Variants in MAGI1 observed in about 807,000 individuals in gnomAD.
MAGI1 encodes membrane-associated guanylate kinase, WW and PDZ domain-containing protein 1.
In MAGI1, 58 loss-of-function variants were observed where a neutral mutation model predicts 139.9. That is an observed-to-expected ratio of 0.41 (90% CI 0.34 to 0.52). The LOEUF (loss-of-function observed/expected upper bound fraction) is 0.52. Among genes scored for constraint, MAGI1 ranks in the 20% least tolerant of loss-of-function variants. MAGI1 has a pLI of 0.12. For synonymous variants in MAGI1, 812 were observed against 737.9 expected (o/e 1.10, Z -1.63); for missense variants, 1,874 against 1,901.6 (o/e 0.99, Z 0.27).
chr3:65,373,485 G>A (rs1375047464), intron 18 of MAGI1, among the ~76,000 whole-genome samples: 3 of 152,102 alleles, frequency 2.0e-5, no homozygotes. Flanking sequence ...TGACACAAAG[G>A]CACAAAGTGA....
rs971895801 is a variant in MAGI1 at position 65,860,317 on chromosome 3, C to T, written c.313+177679G>A. 7.2e-5 allele frequency among the ~76,000 whole-genome samples: 11 copies of T among 152,126 alleles called. No homozygotes were observed. In the East Asian group the frequency reaches 9.6e-4, roughly 13 times the overall value. On this transcript the variant is annotated intron_variant, in intron 1 of 22. Coordinates refer to ENST00000402939, the MANE Select transcript of MAGI1 (RefSeq NM_001033057.2). The stretch of plus-strand genomic sequence containing the variant: ...AAGGAGGCTGCTCAGATTTATGAAT[C>T]GCAAATAAAAGCCAATTAGATCTAT...
At chr3:65,964,177 T>C (rs1359604033) in intron 1 of MAGI1, among the ~76,000 whole-genome samples, 1 of 152,188 alleles carries the variant, frequency 6.6e-6, no homozygotes, top group Non-Finnish European at 1.5e-5. Context: ...CCTGTCCCTG[T>C]CTCATTCACA....
intron 1 of MAGI1, among the ~76,000 whole-genome samples, chr3:65,797,076 G>A (rs1275283695): frequency 2.0e-5 from 3 of 151,986 alleles, no homozygotes; most frequent in African/African-American, 7.3e-5. Context: ...CATGAGTTCT[G>A]ATTATCTATT....
intron 1 of MAGI1, among the ~76,000 whole-genome samples, chr3:65,813,361 A>G (rs1371230912): frequency 2.0e-5 from 3 of 152,198 alleles, no homozygotes; most frequent in Non-Finnish European, 4.4e-5. Flanking sequence ...ATCCTTAAGC[A>G]AAAGCTAATG....
intron 1 of MAGI1, among the ~76,000 whole-genome samples, chr3:65,631,118 G>C (rs2084276745): frequency 1.3e-5 from 2 of 152,222 alleles, no homozygotes; most frequent in Admixed American, 6.5e-5. Context: ...AAGTAGCCTA[G>C]ACTAAGGGAG....
intron 1 of MAGI1, among the ~76,000 whole-genome samples, chr3:66,023,834 C>A (rs2068088520): frequency 6.6e-6 from 1 of 152,214 alleles, no homozygotes; most frequent in Non-Finnish European, 1.5e-5. Flanking sequence ...AACTCAAATT[C>A]ACGTGAACAT....
intron 1 of MAGI1, among the ~76,000 whole-genome samples, chr3:65,876,279 G>A (rs550553023): frequency 4.6e-5 from 7 of 152,030 alleles, no homozygotes; most frequent in South Asian, 2.1e-4. Flanking sequence ...CTACGATCAC[G>A]CCTGTGAACA....
At chr3:65,473,640 A>C (rs1294123825) in intron 4 of MAGI1, among the ~76,000 whole-genome samples, 1 of 24,818 alleles carries the variant, frequency 4.0e-5, no homozygotes, top group Non-Finnish European at 1.0e-4. Flanking sequence ...ACATGTTTAC[A>C]AAAAAAAAAA....
chr3:65,613,759 C>T (rs2083234283), intron 2 of MAGI1, among the ~76,000 whole-genome samples: 1 of 152,096 alleles, frequency 6.6e-6, no homozygotes, highest in South Asian at 2.1e-4. Flanking sequence ...TTAATCTTCA[C>T]TATATTCTTG....
chr3:65,858,303 G>A lies in MAGI1; in HGVS notation c.313+179693C>T, dbSNP rs77792930. On this transcript the variant is annotated intron_variant, in intron 1 of 22. Transcript: ENST00000402939. ...GACAAAGAACTCACTGCTCCATGTT[G>A]ACATAATACGAAGTGATGTTGTGAT... 2.1e-3 allele frequency among the ~76,000 whole-genome samples: 320 copies of A among 152,230 alleles called. 1 individual carries two copies. The highest frequency in any genetic ancestry group is 7.3e-3 in the African/African-American group (304 of 41,540).
chr3:65,375,628 A>C (rs992552992), intron 18 of MAGI1, 117 bp downstream of exon 18: 1 of 896,772 alleles, frequency 1.1e-6, no homozygotes, highest in Admixed American at 2.3e-5. Flanking sequence ...CTGCCACTAA[A>C]TTAATACTAT....
intron 10 of MAGI1, among the ~76,000 whole-genome samples, chr3:65,435,129 T>A (rs1365032817): frequency 6.6e-6 from 1 of 152,178 alleles, no homozygotes; most frequent in Non-Finnish European, 1.5e-5. Context: ...AACTGATAGA[T>A]AAATGTTTGG....
chr3:65,658,277 T>C (rs1425845843), intron 1 of MAGI1, among the ~76,000 whole-genome samples: 2 of 151,558 alleles, frequency 1.3e-5, no homozygotes, highest in Admixed American at 6.6e-5. Flanking sequence ...AATATCACTG[T>C]TGACTTTTAA....
intron 2 of MAGI1, among the ~76,000 whole-genome samples, chr3:65,504,728 A>T (rs1168736369): frequency 3.9e-5 from 6 of 152,194 alleles, no homozygotes; most frequent in Non-Finnish European, 8.8e-5. Context: ...AACCTCTTTG[A>T]TCCCAAACCT....
rs74726199 is a variant in MAGI1 at position 65,863,639 on chromosome 3, G to A, written c.313+174357C>T. On this transcript the variant is annotated intron_variant, in intron 1 of 22. Transcript: ENST00000402939. ...GGACATAAGAAAGACAAATGAGAAC[G>A]TTGGCAAATTCAGACAGATCCACTC... 1.4e-3 allele frequency among the ~76,000 whole-genome samples: 217 copies of A among 152,240 alleles called. 1 individual carries two copies. Among genetic ancestry groups the A allele is most frequent in the African/African-American group, 4.7e-3 (195 of 41,540 alleles).
intron 12 of MAGI1, chr3:65,401,671 A>G: frequency 6.5e-7 from 1 of 1,545,658 alleles, no homozygotes. Context: ...GAGAGGCAGG[A>G]GATCTATCTG....
chr3:65,893,324 T>G (rs988638256), intron 1 of MAGI1, among the ~76,000 whole-genome samples: 1 of 152,132 alleles, frequency 6.6e-6, no homozygotes, highest in Non-Finnish European at 1.5e-5. Context: ...AGATTTACTA[T>G]TCATTTTTCT....
chr3:65,973,866 T>G (rs897128964), intron 1 of MAGI1, among the ~76,000 whole-genome samples: 1 of 152,210 alleles, frequency 6.6e-6, no homozygotes, highest in African/African-American at 2.4e-5. Flanking sequence ...TCAGAACAAT[T>G]CATATAATCA....
chr3:65,562,897 A>G (rs1220955012), intron 2 of MAGI1, among the ~76,000 whole-genome samples: 2 of 152,182 alleles, frequency 1.3e-5, no homozygotes, highest in African/African-American at 2.4e-5. Context: ...TTTAAAGTAG[A>G]TTAACTTTTT....
Sources: gnomAD v4.1 joint callset for allele counts (sites outside exome capture counted in the v4.1 genomes callset) on GRCh38, gnomAD v4.1.1 for gene constraint, MANE v1.5 for transcripts, NCBI Gene and HGNC (gene_info 2026-07-23, HGNC 2026-07-21) for gene names.